The following JAKMIP1 variants were observed in gnomAD, a reference collection of about 807,000 sequenced individuals.
JAKMIP1 encodes the protein janus kinase and microtubule interacting protein 1, also known as janus kinase and microtubule-interacting protein 1.
Under a neutral mutation model 113.0 loss-of-function variants are expected in JAKMIP1, and 33 were observed. That is an observed-to-expected ratio of 0.29 (90% CI 0.22 to 0.39). The LOEUF (loss-of-function observed/expected upper bound fraction) is 0.39, where lower values mean the gene tolerates loss of function less well. JAKMIP1 is among the 10% of genes least tolerant of loss of function. JAKMIP1 has a pLI of 1.00. For synonymous variants in JAKMIP1, 480 were observed against 459.9 expected, an observed-to-expected ratio of 1.04 and a Z score of -0.56; for missense variants, 813 against 1,080.5, an observed-to-expected ratio of 0.75 and a Z score of 3.47.
intron 8 of JAKMIP1, among the ~76,000 whole-genome samples, chr4:6,068,549 A>C (rs1020667826): frequency 7.6e-6 from 1 of 130,820 alleles, no homozygotes; most frequent in Admixed American, 9.6e-5. Context: ...ATTTTTAAAA[A>C]TTTTTTAACT....
In JAKMIP1 at chr4:6,156,171, A is replaced by G. The variant is rs1180095664; in HGVS notation, c.-147-43174T>C. ...GAGCAGAGACCGGGAACATCTTCTC[A>G]CCGTACCACGCCCGGCACAGAGCCA... On this transcript the variant is annotated intron_variant, in intron 1 of 20. Transcript: ENST00000409021. This position sits in a 1 kb window ranked among gnomAD's most constrained non-coding sequence, Gnocchi z 5.0. Among the ~76,000 whole-genome samples, 1 of 152,140 alleles carries G rather than the reference A, an allele frequency of 6.6e-6. No individual in the cohort carries two copies. Among genetic ancestry groups the G allele is most frequent in the Admixed American group, 6.5e-5 (1 of 15,280 alleles).
intron 1 of JAKMIP1, among the ~76,000 whole-genome samples, chr4:6,113,739 T>C (rs1013952854): frequency 6.6e-6 from 1 of 152,226 alleles, no homozygotes; most frequent in African/African-American, 2.4e-5. Flanking sequence ...CTCCCTTCCC[T>C]TCACCACGTC....
chr4:6,109,293 C>T (rs188319240), intron 2 of JAKMIP1, among the ~76,000 whole-genome samples: 378 of 151,984 alleles, frequency 2.5e-3, no homozygotes, highest in African/African-American at 8.6e-3. Flanking sequence ...CCACTGCGCC[C>T]GGCTAATTTT....
chr4:6,049,917 C>T lies in JAKMIP1; in HGVS notation c.1909-45G>A, dbSNP rs777208995. The T allele has an allele frequency of 5.1e-6, 7 of 1,366,630 alleles. No homozygotes were observed. The highest frequency in any genetic ancestry group is 7.3e-6 in the Non-Finnish European group (7 of 959,092). The allele number at this position is 1,366,630 out of a possible 1,614,324, so 84.7% of individuals were successfully genotyped here. ...TTCATTTTTGTGTGAGCTACAGAGA[C>T]CAACCATACCAATTTCTAGGGCCAC... On this transcript the variant is annotated intron_variant, in intron 14 of 20. Coordinates refer to ENST00000409021, the MANE Select transcript of JAKMIP1 (RefSeq NM_001099433.2). The surrounding 1 kb of genome is among the most constrained non-coding windows in gnomAD (Gnocchi z 7.0).
chr4:6,169,049 A>G (rs530075361), intron 1 of JAKMIP1, among the ~76,000 whole-genome samples: 1 of 152,352 alleles, frequency 6.6e-6, no homozygotes, highest in East Asian at 1.9e-4. Flanking sequence ...GCAATTAGAT[A>G]GTGATGATGG....
intron 1 of JAKMIP1, among the ~76,000 whole-genome samples, chr4:6,149,762 T>C (rs1721333411): frequency 1.3e-5 from 2 of 152,036 alleles, no homozygotes; most frequent in Non-Finnish European, 2.9e-5. Context: ...AGAGCAGCCC[T>C]CCTTTGCTAC....
rs541776773 is a variant in JAKMIP1 at position 6,149,447 on chromosome 4, A to C, written c.-147-36450T>G. 2.7e-4 allele frequency among the ~76,000 whole-genome samples: 41 copies of C among 152,250 alleles called. No individual in the cohort carries two copies. The East Asian group carries it at 3.1e-3, about 12-fold the overall frequency. ...AAACCTCACCAGATCCAGGTGAGAA[A>C]GTGGAGTCCCAGTGAAATCTAGGGA... On this transcript the variant is annotated intron_variant, in intron 1 of 20. Coordinates refer to ENST00000409021, the MANE Select transcript of JAKMIP1 (RefSeq NM_001099433.2).
intron 8 of JAKMIP1, among the ~76,000 whole-genome samples, chr4:6,072,427 C>T (rs1302555281): frequency 1.9e-4 from 29 of 152,170 alleles, no homozygotes; most frequent in Non-Finnish European, 2.9e-5. Context: ...GCCCTCTTTA[C>T]CTTTGATCAG....
At chr4:6,146,474 TG>T (rs528245148) in intron 1 of JAKMIP1, among the ~76,000 whole-genome samples, 9 of 152,226 alleles carry the variant, frequency 5.9e-5, no homozygotes, top group African/African-American at 2.2e-4. Context: ...TTTTATTTTT[TG>T]TAGAGACAGG....
At chr4:6,068,795 C>G (rs1353196948) in intron 8 of JAKMIP1, among the ~76,000 whole-genome samples, 1 of 152,142 alleles carries the variant, frequency 6.6e-6, no homozygotes, top group Non-Finnish European at 1.5e-5. Context: ...GTGTCAAACT[C>G]TTGACCTCAA....
intron 12 of JAKMIP1, among the ~76,000 whole-genome samples, chr4:6,055,292 G>A (rs116454648): frequency 0.02 from 3,034 of 152,308 alleles, 36 homozygotes; most frequent in South Asian, 0.072. Context: ...TCTTTATCAG[G>A]CTGATCATGT....
intron 1 of JAKMIP1, among the ~76,000 whole-genome samples, chr4:6,190,056 C>T (rs1353630722): frequency 6.6e-6 from 1 of 152,192 alleles, no homozygotes; most frequent in East Asian, 1.9e-4. Context: ...TTCATTCACT[C>T]AATCCTCCTT....
chr4:6,198,316 C>CG (rs1553868804), intron 1 of JAKMIP1, among the ~76,000 whole-genome samples: 15 of 151,570 alleles, frequency 9.9e-5, no homozygotes, highest in East Asian at 5.8e-4. Context: ...TTGTTTTAGA[C>CG]GGGGGGAAAA....
intron 17 of JAKMIP1, among the ~76,000 whole-genome samples, chr4:6,041,505 C>T (rs931353718): frequency 7.9e-5 from 12 of 152,296 alleles, no homozygotes; most frequent in African/African-American, 2.9e-4. Flanking sequence ...TTTGACTACT[C>T]AAGAACCACG....
At chr4:6,072,824 A>G (rs974284472) in intron 8 of JAKMIP1, among the ~76,000 whole-genome samples, 4 of 152,222 alleles carry the variant, frequency 2.6e-5, no homozygotes, top group African/African-American at 9.6e-5. Flanking sequence ...ATGATGAAAA[A>G]ATGTTTGACT....
rs1718238548 is a variant in JAKMIP1 at position 6,067,279 on chromosome 4, AT to A, written c.1303-2272del. On this transcript the variant is annotated intron_variant, in intron 8 of 20. Transcript: ENST00000409021. The surrounding 1 kb of genome is among the most constrained non-coding windows in gnomAD (Gnocchi z 4.6). Reference sequence around the variant, plus strand: ...CACTAGTTTGTCTATCCACAAACAGATTTTGTTTTGCACATGACACCATTTC... The same window carrying A: ...CACTAGTTTGTCTATCCACAAACAGATTTGTTTTGCACATGACACCATTTC... 6.6e-6 allele frequency among the ~76,000 whole-genome samples: 1 copy of A among 152,144 alleles called. No individual in the cohort carries two copies.
chr4:6,035,347 G>A (rs67715819), intron 19 of JAKMIP1, among the ~76,000 whole-genome samples: 20,029 of 151,960 alleles, frequency 0.13, 2,096 homozygotes, highest in African/African-American at 0.28. Context: ...GCCACTGCCC[G>A]ACACATGGTG....
intron 1 of JAKMIP1, among the ~76,000 whole-genome samples, chr4:6,124,837 T>G (rs551799687): frequency 1.5e-4 from 23 of 152,366 alleles, no homozygotes; most frequent in Middle Eastern, 3.4e-3. Context: ...AAACCTTTTC[T>G]GCTCTGCAAG....
At chr4:6,120,614 A>C (rs558354111) in intron 1 of JAKMIP1, among the ~76,000 whole-genome samples, 4 of 152,358 alleles carry the variant, frequency 2.6e-5, no homozygotes, top group Non-Finnish European at 4.4e-5. Context: ...GCTTCTCATC[A>C]GTTCACATCC....
Sources: gnomAD v4.1 joint callset for allele counts (sites outside exome capture counted in the v4.1 genomes callset) on GRCh38, gnomAD v4.1.1 for gene constraint, Gnocchi (gnomAD v3.1) non-coding constraint, MANE v1.5 for transcripts, NCBI Gene and HGNC (gene_info 2026-07-23, HGNC 2026-07-21) for gene names.